The following MGAM variants were observed in gnomAD, a reference collection of about 807,000 sequenced individuals.
MGAM encodes the protein maltase-glucoamylase.
Under a neutral mutation model 358.8 loss-of-function variants are expected in MGAM, and 253 were observed. That is an observed-to-expected ratio of 0.71 (90% confidence interval 0.64 to 0.78). MGAM has a LOEUF of 0.78. Among genes scored for constraint, MGAM ranks in the 30% least tolerant of loss-of-function variants. MGAM has a pLI of 0.00. For synonymous variants in MGAM, 1,105 were observed against 1,227.1 expected (o/e 0.90, Z 2.08); for missense variants, 3,080 against 3,432.6 (o/e 0.90, Z 2.57).
intron 10 of MGAM, among the ~76,000 whole-genome samples, chr7:142,028,188 G>A (rs1425699101): frequency 1.3e-5 from 2 of 151,972 alleles, no homozygotes; most frequent in African/African-American, 2.4e-5. Context: ...GTCATGGCAG[G>A]GACTTACCAT....
chr7:142,089,291 A>G (rs1815140675), intron 57 of MGAM, among the ~76,000 whole-genome samples: 1 of 146,580 alleles, frequency 6.8e-6, no homozygotes, highest in Non-Finnish European at 1.5e-5. Context: ...CAGGGACACC[A>G]GAGGCATTCA....
chr7:142,014,128 G>A (rs1805796890), intron 3 of MGAM, among the ~76,000 whole-genome samples: 1 of 152,198 alleles, frequency 6.6e-6, no homozygotes, highest in South Asian at 2.1e-4. Flanking sequence ...TAAGGCCTGA[G>A]CTTTTATACT....
rs782723686 is a variant in MGAM, at chr7:142,008,724, G to A, written c.327+19G>A. The A allele has an allele frequency of 6.2e-7, 1 of 1,600,836 alleles. No individual in the cohort carries two copies. Among genetic ancestry groups the A allele is most frequent in the Non-Finnish European group, 8.5e-7 (1 of 1,173,820 alleles). The stretch of plus-strand genomic sequence containing the variant: ...AACAAAGGTTTGAGTTATGAATTTT[G>A]TTTCCATTTTAGAATTTATGCAACT... On this transcript the variant is annotated intron_variant, in intron 3 of 70. Coordinates refer to ENST00000475668, the MANE Select transcript of MGAM (RefSeq NM_001365693.1).
chr7:142,015,238 T>G (rs1165620265), intron 3 of MGAM, among the ~76,000 whole-genome samples: 2 of 152,166 alleles, frequency 1.3e-5, no homozygotes, highest in African/African-American at 4.8e-5. Flanking sequence ...CTTCTTGATG[T>G]GTACAGTCTT....
intron 21 of MGAM, 91 bp downstream of exon 21, chr7:142,040,937 C>T: frequency 6.8e-7 from 1 of 1,462,188 alleles, no homozygotes; most frequent in Non-Finnish European, 9.1e-7. Flanking sequence ...GCCAGGTGGT[C>T]AGCCTCTTTG....
chr7:142,002,885 A>G (rs1323587708), intron 1 of MGAM, among the ~76,000 whole-genome samples: 13 of 152,142 alleles, frequency 8.5e-5, no homozygotes, highest in African/African-American at 3.1e-4. Context: ...GTAAAGTTTC[A>G]GGACACAAAA....
intron 3 of MGAM, among the ~76,000 whole-genome samples, 169 bp downstream of exon 3, chr7:142,008,874 G>A (rs570118383): frequency 6.6e-6 from 1 of 152,220 alleles, no homozygotes; most frequent in South Asian, 2.1e-4. Flanking sequence ...TTGTATGACA[G>A]TGCAGCTTCA....
chr7:142,086,394 C>G (rs112814590), intron 56 of MGAM, 66 bp downstream of exon 56: 1 of 1,222,364 alleles, frequency 8.2e-7, no homozygotes, highest in African/African-American at 1.5e-5. Flanking sequence ...GAGGGTCACA[C>G]GCCTGTGTAT....
At chr7:142,076,916 G>A in intron 47 of MGAM, 90 bp downstream of exon 47, 1 of 1,363,564 alleles carries the variant, frequency 7.3e-7, no homozygotes, top group Admixed American at 1.9e-5. Context: ...GGTCCCTGAA[G>A]TACCAGGGCA....
chr7:142,082,353 C>A, intron 51 of MGAM, 122 bp from the exon 52 acceptor site: 2 of 1,281,470 alleles, frequency 1.6e-6, no homozygotes, highest in Admixed American at 2.1e-5. Flanking sequence ...TCCTTTGTTT[C>A]ATGTGTTTAA....
chr7:142,053,221 A>T (rs1379173208), intron 26 of MGAM, among the ~76,000 whole-genome samples: 2 of 152,136 alleles, frequency 1.3e-5, no homozygotes. Context: ...GTAGGTACGG[A>T]GAGACAACTT....
At chr7:142,103,065 C>G (rs1816573275) in intron 69 of MGAM, among the ~76,000 whole-genome samples, 1 of 152,032 alleles carries the variant, frequency 6.6e-6, no homozygotes, top group Non-Finnish European at 1.5e-5. Context: ...TGCGAAAGAC[C>G]CTGTAGCTGC....
intron 2 of MGAM, among the ~76,000 whole-genome samples, chr7:141,986,652 T>G (rs1803717008): frequency 6.6e-6 from 1 of 152,202 alleles, no homozygotes. Flanking sequence ...GGGGAAAATT[T>G]CTGCAGAATT....
At chr7:142,065,949 T>G (rs1347886760) in intron 40 of MGAM, 118 bp downstream of exon 40, 3 of 746,552 alleles carry the variant, frequency 4.0e-6, no homozygotes, top group African/African-American at 2.2e-5. Context: ...AGGTGTTTTT[T>G]TTTGTTTTGT....
chr7:142,047,739 A>G, intron 21 of MGAM, 46 bp from the exon 22 acceptor site: 1 of 1,557,468 alleles, frequency 6.4e-7, no homozygotes, highest in Non-Finnish European at 8.9e-7. Context: ...CGGCTGGCAA[A>G]ATTCTCTGAC....
Position 142,064,461 on chromosome 7 carries a change from C to G in MGAM, c.4423C>G (p.Leu1475Val), listed in dbSNP as rs1300002442. Residue 1475 changes from leucine to valine, a missense_variant, in exon 37 of 71, where the codon CTG becomes GTG. Leu to Val is a conservative substitution (Grantham distance 32). Around this residue, in one of 5 missense-constraint regions of MGAM, gnomAD observed 1,816 missense variants for 1,840.5 expected, o/e 0.99. Coordinates refer to ENST00000475668, the MANE Select transcript of MGAM (RefSeq NM_001365693.1). Reference protein sequence around the residue: ...ESQQILPDGSLVQHYNVHNLY... With the variant: ...ESQQILPDGSVVQHYNVHNLY... ...TCAGCAGATCCTCCCAGACGGCTCC[C>G]TGGTGCAGCACTACAACGTGCACAA... 6.3e-7 allele frequency: 1 copy of G among 1,595,606 alleles called. No homozygotes were observed.
chr7:142,029,379 C>T (rs1303338248), intron 10 of MGAM, among the ~76,000 whole-genome samples: 1 of 151,976 alleles, frequency 6.6e-6, no homozygotes, highest in Admixed American at 6.6e-5. Flanking sequence ...AAAAGGACTC[C>T]ATTTAAGATT....
intron 12 of MGAM, among the ~76,000 whole-genome samples, 169 bp from the exon 13 acceptor site, chr7:142,031,511 T>C (rs1807489335): frequency 1.3e-5 from 2 of 152,206 alleles, no homozygotes; most frequent in African/African-American, 4.8e-5. Context: ...CGAGTGACCC[T>C]GGCATTTATT....
At chr7:142,021,107 T>A (rs781993116) in intron 5 of MGAM, 24 bp downstream of exon 5, 34 of 1,541,850 alleles carry the variant, frequency 2.2e-5, no homozygotes, top group South Asian at 1.8e-4. Flanking sequence ...TATTTTTTTT[T>A]AAGTTTTTTT....
Sources: gnomAD v4.1 joint callset for allele counts (sites outside exome capture counted in the v4.1 genomes callset) on GRCh38, gnomAD v4.1.1 for gene constraint, gnomAD v4.1.1 regional missense constraint, MANE v1.5 for transcripts, NCBI Gene and HGNC (gene_info 2026-07-23, HGNC 2026-07-21) for gene names.